The following RGS12 variants were observed in gnomAD, a reference collection of about 807,000 sequenced individuals.
RGS12 encodes regulator of G-protein signaling 12.
A neutral mutation model predicts 120.1 loss-of-function variants in RGS12; 66 were observed. The observed-to-expected ratio is 0.55, with a 90% CI of 0.45 to 0.67. The LOEUF (loss-of-function observed/expected upper bound fraction) is 0.67. Among genes scored for constraint, RGS12 ranks in the 30% least tolerant of loss-of-function variants. RGS12 has a pLI of 0.00. For synonymous variants in RGS12, 827 were observed against 804.7 expected (o/e 1.03, Z -0.47); for missense variants, 1,859 against 1,957.7 (o/e 0.95, Z 0.95).
intron 2 of RGS12, chr4:3,324,382 T>C: frequency 4.9e-6 from 1 of 202,480 alleles, no homozygotes. Context: ...GTGGTCCATC[T>C]CTTAGTGGGG....
At chr4:3,423,701 G>A (rs766970029) in intron 13 of RGS12, 60 bp downstream of exon 13, 66 of 1,565,538 alleles carry the variant, frequency 4.2e-5, no homozygotes, top group Non-Finnish European at 5.4e-5. Context: ...CCCTTTGGCA[G>A]CCTCTGTGTT....
At chr4:3,405,695 G>A (rs1473453883) in intron 4 of RGS12, among the ~76,000 whole-genome samples, 1 of 152,128 alleles carries the variant, frequency 6.6e-6, no homozygotes, top group African/African-American at 2.4e-5. Context: ...GAGGCATGCT[G>A]TCTCCAACTT....
intron 17 of RGS12, among the ~76,000 whole-genome samples, chr4:3,436,391 C>T (rs1198811780): frequency 2.0e-5 from 3 of 152,172 alleles, no homozygotes; most frequent in African/African-American, 4.8e-5. Flanking sequence ...TTCCAAGGGG[C>T]GCTGGGGAGG....
In RGS12 at chr4:3,316,071, G is replaced by C. The variant is rs1007685219; in HGVS notation, c.-100G>C. ...GAGCTGTTCGTTTTTCTTTCTTAGGGCACTGTTTGAAGAAGCAAACATGGT... is the reference window on the plus strand; with the variant it reads ...GAGCTGTTCGTTTTTCTTTCTTAGGCCACTGTTTGAAGAAGCAAACATGGT... On this transcript the variant is annotated splice_region_variant and 5_prime_UTR_variant, in exon 2 of 18. Coordinates refer to ENST00000336727, the MANE Select transcript of RGS12 (RefSeq NM_001394154.1). 1 of 1,226,154 alleles carries C rather than the reference G, an allele frequency of 8.2e-7. No individual in the cohort carries two copies. The highest frequency in any genetic ancestry group is 2.4e-5 in the East Asian group (1 of 41,934). The allele number at this position is 1,226,154 out of a possible 1,614,324, so 76.0% of individuals were successfully genotyped here. A position where few individuals can be genotyped will look rare whatever the true frequency, so the allele number is the denominator to read the frequency against.
intron 2 of RGS12, among the ~76,000 whole-genome samples, chr4:3,335,746 C>T (rs1712388778): frequency 6.6e-6 from 1 of 152,072 alleles, no homozygotes; most frequent in Non-Finnish European, 1.5e-5. Flanking sequence ...ATGATCGTAC[C>T]CCTGCGCTCC....
chr4:3,287,464 C>T, the RGS12 span, among the ~76,000 whole-genome samples: 57 of 152,342 alleles, frequency 3.7e-4, no homozygotes, highest in African/African-American at 1.3e-3. Flanking sequence ...ATTTCAAAGC[C>T]GGGTCCCACA....
At position 3,430,826 on chromosome 4, in the gene RGS12, A is replaced by T. The variant is rs201649410; in HGVS notation, c.3985A>T (p.Ile1329Phe). The T allele has an allele frequency of 3.2e-5, 52 of 1,611,908 alleles. No individual in the cohort carries two copies. The highest frequency in any genetic ancestry group is 4.2e-5 in the Non-Finnish European group (49 of 1,179,584). The change falls in exon 17 of 18, where the codon ATC becomes TTC. Residue 1329 changes from isoleucine to phenylalanine, a missense_variant. Physicochemically the swap from Ile to Phe is conservative, Grantham distance 21 (BLOSUM62 0). Transcript: ENST00000336727. ...RQSQEVEAGG[I>F]QTVEDEHVAE... is the part of the protein sequence containing the mutation. ...GTCTCAGGAAGTGGAGGCCGGGGGCATCCAGACGGTGGAGGATGAGCACGT... is the reference window on the plus strand; with the variant it reads ...GTCTCAGGAAGTGGAGGCCGGGGGCTTCCAGACGGTGGAGGATGAGCACGT...
chr4:3,428,613 GA>G lies in RGS12; in HGVS notation c.3473del (p.Asn1158MetfsTer52). On this transcript the variant is annotated frameshift_variant, in exon 16 of 18. Transcript: ENST00000336727. LOFTEE classifies it high-confidence loss of function. ...TCTATTAAAATAAAAGGAGAAAATG[GA>G]AAAAATGCTAGGGATCCCCGGCTTT... Reference protein sequence around the residue: ...SNSIKIKGENGKNARDPRLSK... With the variant: ...SNSIKIKGENXKNARDPRLSK... 1 of 1,604,172 alleles carries G rather than the reference GA, an allele frequency of 6.2e-7. No homozygotes were observed. Among genetic ancestry groups the G allele is most frequent in the Admixed American group, 1.7e-5 (1 of 57,876 alleles).
At chr4:3,412,732 G>C (rs534294439) in intron 4 of RGS12, among the ~76,000 whole-genome samples, 1 of 152,274 alleles carries the variant, frequency 6.6e-6, no homozygotes, top group African/African-American at 2.4e-5. Flanking sequence ...AAAGCCCAGG[G>C]CTTCTTAACA....
rs1295954730 is a variant in RGS12, at chr4:3,434,725, G to A, written c.4114+3770G>A. On this transcript the variant is annotated intron_variant, in intron 17 of 17. Transcript: ENST00000336727. ...AATGCACAGTGCTCCTTCTGTACGC[G>A]CCATCTTAAAACGGGTTCTTACGGT... Among the ~76,000 whole-genome samples, 6 of 152,316 alleles carry A rather than the reference G, an allele frequency of 3.9e-5. No homozygotes were observed. In the East Asian group the frequency reaches 7.7e-4, roughly 20 times the overall value.
At chr4:3,382,849 C>T (rs1207020472) in intron 3 of RGS12, among the ~76,000 whole-genome samples, 3 of 152,168 alleles carry the variant, frequency 2.0e-5, no homozygotes, top group Non-Finnish European at 4.4e-5. Context: ...GCACTGTGCT[C>T]GTGTTCTGCT....
intron 3 of RGS12, among the ~76,000 whole-genome samples, chr4:3,382,572 A>G (rs926668982): frequency 6.6e-6 from 1 of 152,188 alleles, no homozygotes; most frequent in Non-Finnish European, 1.5e-5. Flanking sequence ...TTTGTAGGTG[A>G]CGGTCTTCAG....
rs1577034949 is a variant in RGS12, at chr4:3,390,715, A to G, written c.2020+4278A>G. 6.6e-6 allele frequency among the ~76,000 whole-genome samples: 1 copy of G among 152,212 alleles called. No individual in the cohort carries two copies. Among genetic ancestry groups the G allele is most frequent in the South Asian group, 2.1e-4 (1 of 4,824 alleles). ...GCTGACAGGCCGATCTCTTGGGGCA[A>G]GTCACTTTCTCTCTCCTAGCCTTGT... On this transcript the variant is annotated intron_variant, in intron 4 of 17. Transcript: ENST00000336727. The surrounding 1 kb of genome is among the most constrained non-coding windows in gnomAD (Gnocchi z 4.6).
intron 6 of RGS12, 148 bp from the exon 7 acceptor site, chr4:3,415,830 A>T (rs1722334419): frequency 1.3e-6 from 1 of 799,792 alleles, no homozygotes. Flanking sequence ...CATTCTGGCC[A>T]CACTTTTATT....
At chr4:3,397,810 C>T (rs1720190409) in intron 4 of RGS12, among the ~76,000 whole-genome samples, 1 of 152,166 alleles carries the variant, frequency 6.6e-6, no homozygotes, top group Admixed American at 6.5e-5. Flanking sequence ...GCTTGGTAAA[C>T]TTGAGTAATT....
chr4:3,398,218 G>A (rs1720235755), intron 4 of RGS12, among the ~76,000 whole-genome samples: 3 of 152,204 alleles, frequency 2.0e-5, no homozygotes, highest in Non-Finnish European at 4.4e-5. Flanking sequence ...ACTGGGTAGA[G>A]AAAATAAGCC....
chr4:3,430,344 G>C, intron 16 of RGS12, 63 bp from the exon 17 acceptor site: 1 of 1,431,108 alleles, frequency 7.0e-7, no homozygotes, highest in East Asian at 2.3e-5. Context: ...AGAATGTTCT[G>C]CGGTGACAGT....
At chr4:3,287,187 G>A in the RGS12 span, among the ~76,000 whole-genome samples, 5 of 152,234 alleles carry the variant, frequency 3.3e-5, no homozygotes, top group Admixed American at 1.3e-4. Context: ...CCGGGAGGGC[G>A]GCGTTTGCGT....
chr4:3,391,822 G>T (rs1719536855), intron 4 of RGS12, among the ~76,000 whole-genome samples: 1 of 151,902 alleles, frequency 6.6e-6, no homozygotes, highest in Non-Finnish European at 1.5e-5. Context: ...GGGCTGCCTG[G>T]GTGCTCCAGG....
Sources: gnomAD v4.1 joint callset for allele counts (sites outside exome capture counted in the v4.1 genomes callset) on GRCh38, gnomAD v4.1.1 for gene constraint, Gnocchi (gnomAD v3.1) non-coding constraint, MANE v1.5 for transcripts, NCBI Gene and HGNC (gene_info 2026-07-23, HGNC 2026-07-21) for gene names.